The following ZNF423 variants were observed in gnomAD, a reference collection of about 807,000 sequenced individuals.
The protein encoded by ZNF423 is Ebf-associated zinc finger protein.
In ZNF423, 12 loss-of-function variants were observed where a neutral mutation model predicts 95.8. That is an observed-to-expected ratio of 0.13 (90% CI 0.08 to 0.20). The LOEUF is 0.20. ZNF423 is among the 10% of genes least tolerant of loss of function. ZNF423 has a pLI of 1.00. For missense variants in ZNF423, 1,316 were observed against 1,737.1 expected (o/e 0.76, Z 4.31); for synonymous variants, 749 against 711.9 (o/e 1.05, Z -0.83).
chr16:49,685,670 G>A (rs1016258831), intron 3 of ZNF423, among the ~76,000 whole-genome samples: 12 of 151,990 alleles, frequency 7.9e-5, no homozygotes, highest in African/African-American at 1.7e-4. Flanking sequence ...GACGGCTCTC[G>A]CACACACCCT....
chr16:49,745,610 G>T (rs982775631), intron 2 of ZNF423, among the ~76,000 whole-genome samples: 6 of 152,222 alleles, frequency 3.9e-5, no homozygotes, highest in African/African-American at 1.4e-4. Flanking sequence ...GCGCACTCGA[G>T]CGCGACGTGG....
At chr16:49,673,316 GC>G (rs1045923308) in intron 3 of ZNF423, among the ~76,000 whole-genome samples, 1 of 152,148 alleles carries the variant, frequency 6.6e-6, no homozygotes, top group African/African-American at 2.4e-5. Context: ...CTCTTGATTG[GC>G]AATTTTTTCA....
chr16:49,552,295 G>A (rs933002181), intron 5 of ZNF423, among the ~76,000 whole-genome samples: 5 of 152,190 alleles, frequency 3.3e-5, no homozygotes, highest in African/African-American at 7.2e-5. Flanking sequence ...GCCCCTTTCT[G>A]AGCCTCAGTA....
chr16:49,770,936 A>G (rs2034021601), intron 2 of ZNF423, among the ~76,000 whole-genome samples: 1 of 152,106 alleles, frequency 6.6e-6, no homozygotes, highest in Non-Finnish European at 1.5e-5. Flanking sequence ...TCCAGCCCCC[A>G]CCTTCCCTCC....
intron 5 of ZNF423, among the ~76,000 whole-genome samples, chr16:49,562,950 A>AT (rs1244027711): frequency 5.3e-5 from 8 of 152,024 alleles, no homozygotes; most frequent in Middle Eastern, 3.4e-3. Flanking sequence ...AGCCCAGCTA[A>AT]TTTTTTTGCA....
chr16:49,769,619 AC>A (rs1393365870), intron 2 of ZNF423, among the ~76,000 whole-genome samples: 2 of 151,972 alleles, frequency 1.3e-5, no homozygotes, highest in Admixed American at 1.3e-4. Flanking sequence ...AAGCCAAGGC[AC>A]CCACTAAGGC....
intron 5 of ZNF423, among the ~76,000 whole-genome samples, chr16:49,585,086 G>A (rs1396283847): frequency 6.6e-6 from 1 of 152,180 alleles, no homozygotes; most frequent in African/African-American, 2.4e-5. Flanking sequence ...GACCCTGACT[G>A]TTTCTCCCCA....
chr16:49,664,002 C>T (rs2030392857), intron 3 of ZNF423: 8 of 925,348 alleles, frequency 8.6e-6, no homozygotes, highest in South Asian at 5.0e-5. Context: ...GGGGACTCGG[C>T]GTTCCGGTGC....
intron 5 of ZNF423, among the ~76,000 whole-genome samples, chr16:49,539,499 G>A (rs1282283554): frequency 6.6e-6 from 1 of 152,226 alleles, no homozygotes; most frequent in African/African-American, 2.4e-5. Context: ...TCCACTAGCA[G>A]TGGGATCCTG....
At chr16:49,523,944 C>A (rs1339910315) in intron 6 of ZNF423, among the ~76,000 whole-genome samples, 2 of 152,186 alleles carry the variant, frequency 1.3e-5, no homozygotes, top group East Asian at 3.8e-4. Flanking sequence ...GGCTGTGCAA[C>A]CCTGGGTAAG....
chr16:49,615,079 C>G (rs570284111), intron 5 of ZNF423, among the ~76,000 whole-genome samples: 2 of 151,426 alleles, frequency 1.3e-5, no homozygotes, highest in South Asian at 4.2e-4. Flanking sequence ...TGCAGTGAGG[C>G]GAGATCGTGC....
intron 3 of ZNF423, among the ~76,000 whole-genome samples, chr16:49,728,610 T>C (rs893321735): frequency 4.6e-5 from 7 of 152,186 alleles, no homozygotes; most frequent in African/African-American, 1.7e-4. Flanking sequence ...GGGAGGAGGA[T>C]TCTTCCTGGG....
At chr16:49,534,400 C>T (rs1030543223) in intron 5 of ZNF423, among the ~76,000 whole-genome samples, 1 of 152,136 alleles carries the variant, frequency 6.6e-6, no homozygotes, top group Admixed American at 6.5e-5. Context: ...ACTACAGGCG[C>T]ACACCACCAC....
intron 3 of ZNF423, among the ~76,000 whole-genome samples, chr16:49,645,603 C>A (rs910119699): frequency 6.6e-6 from 1 of 152,184 alleles, no homozygotes; most frequent in African/African-American, 2.4e-5. Context: ...AGAGATGAGG[C>A]TTTGGTGTTC....
chr16:49,638,197 C>T lies in ZNF423; in HGVS notation c.979G>A (p.Ala327Thr), dbSNP rs199919703. 1.1e-4 allele frequency: 179 copies of T among 1,607,904 alleles called. No individual in the cohort carries two copies. The East Asian group carries it at 3.1e-3, about 28-fold the overall frequency. Residue 327 changes from alanine to threonine, a missense_variant, in exon 4 of 8, where the codon GCC becomes ACC. Coordinates refer to ENST00000563137, the MANE Select transcript of ZNF423 (RefSeq NM_001379286.1). This position sits in a 1 kb window ranked among gnomAD's most constrained non-coding sequence, Gnocchi z 5.6. ...TLLAHIHQAHANQKHKCPMCP... is the reference protein window; with the variant it reads ...TLLAHIHQAHTNQKHKCPMCP... ...ATGGGGCACTTGTGTTTCTGGTTGG[C>T]GTGGGCTTGGTGGATATGGGCGAGC...
At chr16:49,681,561 G>A (rs2031357309) in intron 3 of ZNF423, among the ~76,000 whole-genome samples, 1 of 152,226 alleles carries the variant, frequency 6.6e-6, no homozygotes, top group Admixed American at 6.5e-5. Flanking sequence ...CAGCAAAGTA[G>A]AGACTAAATG....
At chr16:49,781,034 A>G (rs2034204068) in intron 2 of ZNF423, among the ~76,000 whole-genome samples, 1 of 152,222 alleles carries the variant, frequency 6.6e-6, no homozygotes, top group South Asian at 2.1e-4. Context: ...GCTCCAGGCA[A>G]GTATCGTGGG....
intron 2 of ZNF423, among the ~76,000 whole-genome samples, chr16:49,756,593 GA>G (rs1397173110): frequency 6.6e-6 from 1 of 152,100 alleles, no homozygotes; most frequent in African/African-American, 2.4e-5. Flanking sequence ...TGCGTGTCTC[GA>G]AAGGTCCCTG....
intron 7 of ZNF423, among the ~76,000 whole-genome samples, chr16:49,514,416 C>T (rs1968045394): frequency 1.3e-5 from 2 of 151,974 alleles, no homozygotes. Context: ...AGTTCTGTCT[C>T]AGGCTCCTGA....
Sources: gnomAD v4.1 joint callset for allele counts (sites outside exome capture counted in the v4.1 genomes callset) on GRCh38, gnomAD v4.1.1 for gene constraint, Gnocchi (gnomAD v3.1) non-coding constraint, MANE v1.5 for transcripts, NCBI Gene and HGNC (gene_info 2026-07-23, HGNC 2026-07-21) for gene names.